Variants in PLEKHA7 observed in about 807,000 individuals in gnomAD.
The protein encoded by PLEKHA7 is pleckstrin homology domain containing A7.
Under a neutral mutation model 170.0 loss-of-function variants are expected in PLEKHA7, and 104 were observed. The observed-to-expected ratio is 0.61, with a 90% CI of 0.52 to 0.72. PLEKHA7 has a LOEUF of 0.72. Among genes scored for constraint, PLEKHA7 ranks in the 30% least tolerant of loss-of-function variants. PLEKHA7 has a pLI of 0.00. For synonymous variants in PLEKHA7, 648 were observed against 660.8 expected (o/e 0.98, Z 0.30); for missense variants, 1,615 against 1,671.7 (o/e 0.97, Z 0.59).
intron 26 of PLEKHA7, chr11:16,781,008 T>G (rs1848983186): frequency 1.0e-6 from 1 of 986,220 alleles, no homozygotes; most frequent in South Asian, 4.7e-5. Flanking sequence ...GGCACCGTCC[T>G]GGAAGACAGG....
intron 3 of PLEKHA7, among the ~76,000 whole-genome samples, chr11:16,902,413 T>A (rs919737785): frequency 6.6e-5 from 10 of 152,250 alleles, no homozygotes; most frequent in Non-Finnish European, 1.3e-4. Flanking sequence ...TTTGAGAACG[T>A]GCAGCTGGCT....
intron 3 of PLEKHA7, among the ~76,000 whole-genome samples, chr11:17,007,063 G>A (rs988836611): frequency 5.9e-5 from 9 of 152,158 alleles, no homozygotes; most frequent in Non-Finnish European, 1.5e-5. Context: ...GTTCTTAACT[G>A]CCCACTCCCA....
At chr11:16,950,309 A>C (rs1470826023) in intron 3 of PLEKHA7, among the ~76,000 whole-genome samples, 1 of 152,160 alleles carries the variant, frequency 6.6e-6, no homozygotes. Flanking sequence ...AAAGAAATGA[A>C]AGAAGAACAC....
chr11:16,891,747 C>T (rs985589998), intron 3 of PLEKHA7, among the ~76,000 whole-genome samples: 4 of 152,122 alleles, frequency 2.6e-5, no homozygotes, highest in South Asian at 2.1e-4. Flanking sequence ...AGGAATCATA[C>T]CTGCAGGCCA....
Position 17,014,365 on chromosome 11 carries a change from C to T in PLEKHA7, c.37G>A (p.Glu13Lys). 1 of 1,432,224 alleles carries T rather than the reference C, an allele frequency of 7.0e-7. No individual in the cohort carries two copies. The highest frequency in any genetic ancestry group is 9.2e-7 in the Non-Finnish European group (1 of 1,085,858). 88.7% of individuals were successfully genotyped at this position (1,432,224 alleles called of 1,614,324 possible). A position where few individuals can be genotyped will look rare whatever the true frequency, so the allele number is the denominator to read the frequency against. ...AATVGRDTLP[E>K]HWSYGVCRDG... ...CGGCACACCCCGTAGGACCAATGCTCAGGTAAAGTGTCCCGCCCGACCGTC... is the reference window on the plus strand; with the variant it reads ...CGGCACACCCCGTAGGACCAATGCTTAGGTAAAGTGTCCCGCCCGACCGTC... Residue 13 changes from glutamate (E) to lysine (K), a missense_variant, in exon 1 of 27, where the codon GAG (glutamate) becomes AAG (lysine). Glu to Lys is a moderately conservative substitution (Grantham distance 56). Coordinates refer to ENST00000531066, the MANE Select transcript of PLEKHA7 (RefSeq NM_001329630.2).
intron 3 of PLEKHA7, among the ~76,000 whole-genome samples, chr11:16,918,999 T>G (rs1033492432): frequency 3.9e-5 from 6 of 152,144 alleles, no homozygotes; most frequent in Non-Finnish European, 8.8e-5. Flanking sequence ...TCACCTGAGG[T>G]CAGGAGTTTG....
At chr11:16,825,199 A>G (rs1432319373) in intron 10 of PLEKHA7, among the ~76,000 whole-genome samples, 1 of 152,222 alleles carries the variant, frequency 6.6e-6, no homozygotes, top group Non-Finnish European at 1.5e-5. Context: ...CACATACTTG[A>G]AAACAGGACT....
At chr11:16,908,965 G>C (rs1858059583) in intron 3 of PLEKHA7, among the ~76,000 whole-genome samples, 1 of 152,126 alleles carries the variant, frequency 6.6e-6, no homozygotes, top group African/African-American at 2.4e-5. Context: ...AACAGAGCTG[G>C]AACAAGCCAA....
chr11:16,913,705 A>C (rs1358461395), intron 3 of PLEKHA7, among the ~76,000 whole-genome samples: 2 of 152,254 alleles, frequency 1.3e-5, no homozygotes, highest in African/African-American at 2.4e-5. Flanking sequence ...TTCACTGGCA[A>C]ACCACAAGAG....
chr11:16,989,508 T>A (rs181920901), intron 3 of PLEKHA7, among the ~76,000 whole-genome samples: 2 of 152,318 alleles, frequency 1.3e-5, no homozygotes, highest in Admixed American at 6.5e-5. Flanking sequence ...TAGGATGACA[T>A]TCAAACTCAA....
chr11:16,972,418 A>C (rs1285951741), intron 3 of PLEKHA7, among the ~76,000 whole-genome samples: 1 of 147,382 alleles, frequency 6.8e-6, no homozygotes, highest in Non-Finnish European at 1.5e-5. Context: ...CACTCCGCCC[A>C]GCTATTTTTA....
At chr11:16,938,645 C>G (rs972801011) in intron 3 of PLEKHA7, among the ~76,000 whole-genome samples, 3 of 152,092 alleles carry the variant, frequency 2.0e-5, no homozygotes, top group African/African-American at 4.8e-5. Context: ...AAAATAGTCA[C>G]CTTCCTCCTA....
chr11:16,869,125 A>T (rs963597485), intron 4 of PLEKHA7, among the ~76,000 whole-genome samples: 1 of 152,246 alleles, frequency 6.6e-6, no homozygotes, highest in African/African-American at 2.4e-5. Flanking sequence ...AATTTGGGGA[A>T]TCCACATATC....
rs191671813 is a variant in PLEKHA7, at chr11:16,932,337, G to C, written c.222-61155C>G. Among the ~76,000 whole-genome samples, 301 of 149,972 alleles carry C rather than the reference G, an allele frequency of 2.0e-3. 1 individual carries two copies. The highest frequency in any genetic ancestry group is 7.2e-3 in the African/African-American group (292 of 40,704). On this transcript the variant is annotated intron_variant, in intron 3 of 26. Transcript: ENST00000531066. Reference sequence around the variant, plus strand: ...TTGTCACCTAGGCTGGATTGTGGTGGCATGACCATAGGTCACTGCAGCCTC... The same window carrying C: ...TTGTCACCTAGGCTGGATTGTGGTGCCATGACCATAGGTCACTGCAGCCTC...
At chr11:16,957,263 TA>T (rs1861755736) in intron 3 of PLEKHA7, among the ~76,000 whole-genome samples, 1 of 150,970 alleles carries the variant, frequency 6.6e-6, no homozygotes, top group Admixed American at 6.6e-5. Context: ...CTTATGGCAT[TA>T]AAAAACTGGA....
chr11:16,828,652 C>T (rs1233637855), intron 9 of PLEKHA7, among the ~76,000 whole-genome samples: 1 of 152,192 alleles, frequency 6.6e-6, no homozygotes, highest in Admixed American at 6.5e-5. Flanking sequence ...CCTCTCCAAC[C>T]CCCACACTGT....
At chr11:16,882,024 T>C (rs1174780406) in intron 3 of PLEKHA7, among the ~76,000 whole-genome samples, 1 of 152,210 alleles carries the variant, frequency 6.6e-6, no homozygotes, top group East Asian at 1.9e-4. Flanking sequence ...TGTGGCTCTT[T>C]TCATTGCAAG....
At chr11:16,834,299 C>T (rs1387706453) in intron 9 of PLEKHA7, among the ~76,000 whole-genome samples, 1 of 152,138 alleles carries the variant, frequency 6.6e-6, no homozygotes, top group African/African-American at 2.4e-5. Context: ...AGACACCATG[C>T]CTGGCCACCC....
chr11:16,949,180 A>AC (rs1289454446), intron 3 of PLEKHA7, among the ~76,000 whole-genome samples: 12 of 150,152 alleles, frequency 8.0e-5, no homozygotes, highest in South Asian at 2.1e-4. Context: ...TTTCAGTGTA[A>AC]CCCCCCCATC....
Sources: allele counts gnomAD v4.1 joint callset (sites outside exome capture counted in the v4.1 genomes callset), GRCh38; gene constraint gnomAD v4.1.1; transcripts MANE v1.5; gene names NCBI Gene and HGNC (gene_info 2026-07-23, HGNC 2026-07-21).